Variants in CYP27A1 observed in about 807,000 individuals in gnomAD.
CYP27A1 encodes the protein cytochrome P450 family 27 subfamily A member 1.
CYP27A1 carries 46 observed loss-of-function variants against 58.2 expected under a neutral mutation model. That is an observed-to-expected ratio of 0.79 (90% CI 0.62 to 1.01). The LOEUF (loss-of-function observed/expected upper bound fraction) is 1.01, where lower values mean the gene tolerates loss of function less well. Among genes scored for constraint, CYP27A1 ranks in the 50% least tolerant of loss-of-function variants. CYP27A1 has a pLI of 0.00. For synonymous variants in CYP27A1, 274 were observed against 285.1 expected, an observed-to-expected ratio of 0.96 and a Z score of 0.39; for missense variants, 704 against 687.0, an observed-to-expected ratio of 1.02 and a Z score of -0.28.
At position 218,814,053 on chromosome 2, in the gene CYP27A1, C is replaced by G; in HGVS notation, c.1050C>G (p.His350Gln). 4 of 1,614,262 alleles carry G rather than the reference C, an allele frequency of 2.5e-6. No individual in the cohort carries two copies. The highest frequency in any genetic ancestry group is 3.4e-6 in the Non-Finnish European group (4 of 1,180,052). The stretch of plus-strand genomic sequence containing the variant: ...ACACGCTGACATGGGCCCTGTACCA[C>G]CTCTCAAAGGACCCTGAGATCCAGG... ...TSNTLTWALYHLSKDPEIQEA... is the reference protein window; with the variant it reads ...TSNTLTWALYQLSKDPEIQEA... The change falls in exon 6 of 9, where the codon CAC (histidine) becomes CAG (glutamine). Residue 350 changes from histidine (H) to glutamine (Q), a missense_variant. Physicochemically the swap from His to Gln is conservative, Grantham distance 24. Transcript: ENST00000258415.
chr2:218,805,690 A>C (rs1462084201), intron 1 of CYP27A1, among the ~76,000 whole-genome samples: 2 of 152,170 alleles, frequency 1.3e-5, no homozygotes, highest in Non-Finnish European at 2.9e-5. Context: ...GGTGGGGGCT[A>C]ACCCTCCCAT....
intron 1 of CYP27A1, 140 bp from the exon 2 acceptor site, chr2:218,809,437 A>G (rs1440922559): frequency 5.8e-6 from 4 of 688,416 alleles, no homozygotes; most frequent in Non-Finnish European, 9.4e-6. Flanking sequence ...ATCATACACA[A>G]TGCCCTTTTT....
chr2:218,783,525 C>T (rs6722151), intron 1 of CYP27A1, among the ~76,000 whole-genome samples: 7,462 of 152,232 alleles, frequency 0.049, 607 homozygotes, highest in African/African-American at 0.17. Flanking sequence ...AATATGAATG[C>T]ACCTACCATG....
intron 1 of CYP27A1, among the ~76,000 whole-genome samples, chr2:218,808,436 A>G (rs1044805131): frequency 1.3e-5 from 2 of 152,240 alleles, no homozygotes; most frequent in Admixed American, 6.5e-5. Context: ...GGAGGCAATT[A>G]TGTTGGATTG....
At chr2:218,783,722 G>A (rs1039205025) in intron 1 of CYP27A1, among the ~76,000 whole-genome samples, 1 of 152,180 alleles carries the variant, frequency 6.6e-6, no homozygotes. Flanking sequence ...TCGATTCGGG[G>A]TGCCTCCACA....
intron 1 of CYP27A1, among the ~76,000 whole-genome samples, chr2:218,788,858 T>C (rs1268211618): frequency 6.6e-6 from 1 of 152,234 alleles, no homozygotes; most frequent in Non-Finnish European, 1.5e-5. Flanking sequence ...GCACTCATGT[T>C]ACCATCAGGC....
At chr2:218,783,487 G>C (rs1943414803) in intron 1 of CYP27A1, among the ~76,000 whole-genome samples, 1 of 152,102 alleles carries the variant, frequency 6.6e-6, no homozygotes, top group Non-Finnish European at 1.5e-5. Context: ...GGTTCATACA[G>C]GATCTATCTT....
At chr2:218,811,463 G>T (rs1309829183) in intron 2 of CYP27A1, among the ~76,000 whole-genome samples, 1 of 152,226 alleles carries the variant, frequency 6.6e-6, no homozygotes, top group Non-Finnish European at 1.5e-5. Flanking sequence ...AGCTGGGAGT[G>T]GGGGCAGTCC....
rs1188935515 is a variant in CYP27A1, at chr2:218,812,361, A to C, written c.586A>C (p.Ser196Arg). Reference protein sequence around the residue: ...MTRLDQLRAESASGNQVSDMA... With the variant: ...MTRLDQLRAERASGNQVSDMA... ...TCGACTGGACCAGCTGCGGGCAGAG[A>C]GTGCTTCGGGGAACCAGGTGTCGGA... The change falls in exon 3 of 9, where the codon AGT (serine) becomes CGT (arginine). Residue 196 changes from serine to arginine, a missense_variant. By Grantham distance (110) the Ser-to-Arg change is moderately radical. Transcript: ENST00000258415. 6.2e-7 allele frequency: 1 copy of C among 1,614,044 alleles called. No individual in the cohort carries two copies. Among genetic ancestry groups the C allele is most frequent in the African/African-American group, 1.3e-5 (1 of 74,898 alleles).
At chr2:218,783,972 A>G (rs1021355351) in intron 1 of CYP27A1, among the ~76,000 whole-genome samples, 3 of 152,144 alleles carry the variant, frequency 2.0e-5, no homozygotes, top group Non-Finnish European at 4.4e-5. Context: ...TGCATGGAAC[A>G]CTGTCCAGGC....
rs776938750 is a variant in CYP27A1, at chr2:218,813,084, T to C, written c.1005T>C (p.Ala335=). ...AMGSLPELLM[A]GVDTTSNTLT... is the part of the protein sequence containing the mutation. ...GCAGCCTGCCTGAGCTGCTCATGGC[T>C]GGAGTGGACACGGTGCGTGAAGGGG... The change falls in exon 5 of 9, where the codon GCT becomes GCC. Residue 335 remains alanine (A), a synonymous_variant. Transcript: ENST00000258415. 6.2e-7 allele frequency: 1 copy of C among 1,611,518 alleles called. No individual in the cohort carries two copies. The highest frequency in any genetic ancestry group is 1.1e-5 in the South Asian group (1 of 90,992).
chr2:218,806,078 G>A (rs924142494), intron 1 of CYP27A1: 1 of 152,102 alleles, frequency 6.6e-6, no homozygotes, highest in African/African-American at 2.4e-5. Context: ...CAAGAACGTG[G>A]CAAAAAATTT....
chr2:218,793,620 TA>T (rs1438789500), intron 1 of CYP27A1, among the ~76,000 whole-genome samples: 2 of 152,180 alleles, frequency 1.3e-5, no homozygotes, highest in Non-Finnish European at 2.9e-5. Context: ...AAACTAATTT[TA>T]ATAAAACTTC....
intron 1 of CYP27A1, among the ~76,000 whole-genome samples, chr2:218,786,780 T>A (rs1943444704): frequency 6.6e-6 from 1 of 151,934 alleles, no homozygotes. Flanking sequence ...TTTTATGTTA[T>A]CATATTTCTC....
intron 1 of CYP27A1, among the ~76,000 whole-genome samples, chr2:218,789,832 A>T (rs1366836662): frequency 6.6e-6 from 1 of 152,224 alleles, no homozygotes; most frequent in Non-Finnish European, 1.5e-5. Flanking sequence ...ATAGCAGAGC[A>T]GTGGGTTTTG....
At chr2:218,811,704 C>A (rs1943717315) in intron 2 of CYP27A1, among the ~76,000 whole-genome samples, 1 of 152,192 alleles carries the variant, frequency 6.6e-6, no homozygotes, top group African/African-American at 2.4e-5. Flanking sequence ...TCCGGGAACC[C>A]TAACTTGGTC....
intron 1 of CYP27A1, among the ~76,000 whole-genome samples, chr2:218,798,529 T>A (rs1162582797): frequency 6.6e-6 from 1 of 152,204 alleles, no homozygotes; most frequent in Non-Finnish European, 1.5e-5. Context: ...TTACCAATTG[T>A]GAAGTAGGCA....
At chr2:218,793,145 G>C (rs147029115) in intron 1 of CYP27A1, among the ~76,000 whole-genome samples, 1,527 of 152,202 alleles carry the variant, frequency 0.01, 35 homozygotes, top group African/African-American at 0.035. Flanking sequence ...GCACCATCTC[G>C]GCTCACTGCA....
At position 218,791,371 on chromosome 2, in the gene CYP27A1, G is replaced by T. The variant is rs547202835; in HGVS notation, c.255+8934G>T. Among the ~76,000 whole-genome samples the T allele has an allele frequency of 6.6e-5, 10 of 152,242 alleles. No individual in the cohort carries two copies. The East Asian group carries it at 1.4e-3, about 21-fold the overall frequency. On this transcript the variant is annotated intron_variant, in intron 1 of 8. Transcript: ENST00000258415. ...TGTCTTCCATCTATCAAGGCATAAG[G>T]TTATCCATGTAATAAGGCTGGCTGC...
Sources: allele counts gnomAD v4.1 joint callset (sites outside exome capture counted in the v4.1 genomes callset), GRCh38; gene constraint gnomAD v4.1.1; transcripts MANE v1.5; gene names NCBI Gene and HGNC (gene_info 2026-07-23, HGNC 2026-07-21).